RIC8B: variants seen among roughly 807,000 people sequenced by gnomAD.
The protein encoded by RIC8B is RIC8 guanine nucleotide exchange factor B, also known as chaperone Ric-8B.
In RIC8B, 16 loss-of-function variants were observed where a neutral mutation model predicts 57.5. The ratio of observed to expected loss-of-function variants is 0.28; its 90% CI spans 0.19 to 0.42. The LOEUF is 0.42. Ranked by LOEUF, RIC8B falls within the 10% of genes least tolerant of loss-of-function variation. The probability of loss-of-function intolerance (pLI) is 1.00; values close to 1 mark genes in which losing one functional copy is unlikely to be tolerated. For missense variants in RIC8B, 481 were observed against 677.0 expected, an observed-to-expected ratio of 0.71 and a Z score of 3.21; for synonymous variants, 216 against 250.8, an observed-to-expected ratio of 0.86 and a Z score of 1.31.
At chr12:106,872,970 A>G (rs907919455) in intron 9 of RIC8B, 2 of 933,742 alleles carry the variant, frequency 2.1e-6, no homozygotes, top group African/African-American at 3.6e-5. Context: ...ACCATTTCAT[A>G]AGGCATCTCT....
intron 6 of RIC8B, among the ~76,000 whole-genome samples, chr12:106,846,980 T>C (rs2136444109): frequency 6.6e-6 from 1 of 152,280 alleles, no homozygotes; most frequent in South Asian, 2.1e-4. Context: ...GTACAGATGA[T>C]TAACTCTGAT....
In RIC8B at chr12:106,815,023, C is replaced by G; in HGVS notation, c.460C>G (p.Arg154Gly). ...TAACCTCCTGAGAAAGTGCAAGGAC[C>G]GGAAATTTATCAATGACATTAAGTG... is the stretch of plus-strand genomic sequence containing the variant. ...LCNLLRKCKD[R>G]KFINDIKCFD... The change falls in exon 3 of 10, where the codon CGG (arginine) becomes GGG (glycine). Residue 154 changes from arginine to glycine, a missense_variant. By Grantham distance (125) the Arg-to-Gly change is moderately radical. Around this residue, in one of 3 missense-constraint regions of RIC8B, gnomAD observed 421 missense variants for 560.9 expected, o/e 0.75. Transcript: ENST00000392837. 1 of 1,614,126 alleles carries G rather than the reference C, an allele frequency of 6.2e-7. No homozygotes were observed. The highest frequency in any genetic ancestry group is 8.5e-7 in the Non-Finnish European group (1 of 1,180,022).
At chr12:106,785,823 G>C (rs1421902282) in intron 2 of RIC8B, among the ~76,000 whole-genome samples, 2,095 of 78,874 alleles carry the variant, frequency 0.027, 14 homozygotes, top group Middle Eastern at 0.062. Flanking sequence ...CTGTGTGTGT[G>C]TGTGTGTGTG....
At chr12:106,874,402 G>A in intron 9 of RIC8B, 1 of 1,069,392 alleles carries the variant, frequency 9.4e-7, no homozygotes. Context: ...TGAATTGAAA[G>A]GCATGTGAGT....
intron 4 of RIC8B, among the ~76,000 whole-genome samples, chr12:106,834,120 T>C (rs192963289): frequency 1.2e-3 from 187 of 152,290 alleles, no homozygotes; most frequent in African/African-American, 3.6e-3. Context: ...AGCTATTCCT[T>C]TATGGGACTA....
intron 4 of RIC8B, among the ~76,000 whole-genome samples, chr12:106,831,988 T>C (rs77161914): frequency 0.027 from 4,165 of 152,300 alleles, 209 homozygotes; most frequent in African/African-American, 0.096. Flanking sequence ...CTTCTTTCTC[T>C]TCCTTAGACA....
intron 2 of RIC8B, among the ~76,000 whole-genome samples, chr12:106,786,811 T>C (rs1386182428): frequency 1.3e-5 from 2 of 149,330 alleles, no homozygotes; most frequent in African/African-American, 4.9e-5. Context: ...AAAAGCAAGG[T>C]GTTAAAAAGA....
At chr12:106,838,665 CA>C (rs2046727352) in intron 4 of RIC8B, among the ~76,000 whole-genome samples, 4 of 151,592 alleles carry the variant, frequency 2.6e-5, no homozygotes, top group African/African-American at 7.3e-5. Context: ...GCAACAAAAG[CA>C]AATATAGACA....
intron 7 of RIC8B, among the ~76,000 whole-genome samples, chr12:106,853,453 C>CTTTTATTTTTTTT (rs1949564998): frequency 2.6e-5 from 1 of 38,022 alleles, no homozygotes; most frequent in Non-Finnish European, 4.3e-5. Context: ...GCTTTATAGT[C>CTTTTATTTTTTTT]TTTTTTTTTT....
intron 2 of RIC8B, chr12:106,797,914 TTAA>T: frequency 1.7e-6 from 1 of 575,878 alleles, no homozygotes; most frequent in Non-Finnish European, 3.1e-6. Flanking sequence ...CTGCCGCTCA[TTAA>T]TAATTGGATT....
chr12:106,810,156 CTT>C (rs5800718), intron 2 of RIC8B, among the ~76,000 whole-genome samples: 19 of 139,554 alleles, frequency 1.4e-4, no homozygotes, highest in Non-Finnish European at 2.2e-4. Flanking sequence ...ATGTTATTTC[CTT>C]TTTTTTTTTT....
intron 2 of RIC8B, among the ~76,000 whole-genome samples, chr12:106,807,683 GT>G (rs2045106413): frequency 6.6e-6 from 1 of 152,230 alleles, no homozygotes; most frequent in African/African-American, 2.4e-5. Flanking sequence ...AGGACAGTGA[GT>G]TTTGGTGGAC....
intron 3 of RIC8B, among the ~76,000 whole-genome samples, chr12:106,816,518 A>C (rs2045582318): frequency 6.6e-6 from 1 of 152,148 alleles, no homozygotes; most frequent in Non-Finnish European, 1.5e-5. Flanking sequence ...AAGTATTTAA[A>C]ATGTTATGTT....
intron 6 of RIC8B, among the ~76,000 whole-genome samples, chr12:106,849,422 G>GGATT (rs1042906103): frequency 3.3e-4 from 49 of 149,326 alleles, no homozygotes; most frequent in African/African-American, 1.1e-3. Flanking sequence ...CAAAGCGCTG[G>GGATT]GATTACAGGT....
intron 7 of RIC8B, among the ~76,000 whole-genome samples, chr12:106,852,508 C>T (rs891584868): frequency 2.3e-4 from 35 of 152,294 alleles, no homozygotes; most frequent in Admixed American, 3.9e-4. Flanking sequence ...ATGTTAGTAA[C>T]CTAATTTGAT....
intron 2 of RIC8B, among the ~76,000 whole-genome samples, chr12:106,789,385 T>C (rs1350468198): frequency 6.6e-6 from 1 of 152,172 alleles, no homozygotes; most frequent in Non-Finnish European, 1.5e-5. Context: ...TATTTTCGGG[T>C]ATCTTTTCAG....
chr12:106,886,315 A>G lies in RIC8B; in HGVS notation c.*300A>G, dbSNP rs1430770015. 3.9e-6 allele frequency: 1 copy of G among 253,742 alleles called. No individual in the cohort carries two copies. The highest frequency in any genetic ancestry group is 7.5e-6 in the Non-Finnish European group (1 of 133,632). 15.7% of individuals were successfully genotyped at this position (253,742 alleles called of 1,614,324 possible). A position where few individuals can be genotyped will look rare whatever the true frequency, so the allele number is the denominator to read the frequency against. Reference sequence around the variant, plus strand: ...TAAAGCGGCCCTGGTTGAATCTGGCAATTCTTTTTGCCAAGATCCCTAGCA... The same window carrying G: ...TAAAGCGGCCCTGGTTGAATCTGGCGATTCTTTTTGCCAAGATCCCTAGCA... On this transcript the variant is annotated 3_prime_UTR_variant, in exon 10 of 10. Transcript: ENST00000392837.
chr12:106,791,406 A>T lies in RIC8B; in HGVS notation c.132+7362A>T, dbSNP rs192664719. On this transcript the variant is annotated intron_variant, in intron 2 of 9. Coordinates refer to ENST00000392837, the MANE Select transcript of RIC8B (RefSeq NM_001330145.2). Reference sequence around the variant, plus strand: ...TTACAATAGTGTGATTGGAGTTATAAGCGAAGGACTAATATTTCTTTTTTC... The same window carrying T: ...TTACAATAGTGTGATTGGAGTTATATGCGAAGGACTAATATTTCTTTTTTC... 3.6e-4 allele frequency among the ~76,000 whole-genome samples: 55 copies of T among 152,316 alleles called. No homozygotes were observed. The East Asian group carries it at 0.01, about 28-fold the overall frequency.
At chr12:106,829,187 G>T (rs760117803) in intron 4 of RIC8B, among the ~76,000 whole-genome samples, 2 of 152,112 alleles carry the variant, frequency 1.3e-5, no homozygotes, top group Non-Finnish European at 2.9e-5. Context: ...TAGGTTGTTG[G>T]TATGATCCAC....
Sources: allele counts gnomAD v4.1 joint callset (sites outside exome capture counted in the v4.1 genomes callset), GRCh38; gene constraint gnomAD v4.1.1; regional missense constraint gnomAD v4.1.1; transcripts MANE v1.5; gene names NCBI Gene and HGNC (gene_info 2026-07-23, HGNC 2026-07-21).